The following ESR2 variants were observed in gnomAD, a reference collection of about 807,000 sequenced individuals.
ESR2 encodes estrogen receptor 2.
Under a neutral mutation model 49.6 loss-of-function variants are expected in ESR2, and 36 were observed. The ratio of observed to expected loss-of-function variants is 0.73; its 90% CI spans 0.56 to 0.96. The LOEUF is 0.96. Ranked by LOEUF, ESR2 falls within the 40% of genes least tolerant of loss-of-function variation. The pLI, the probability that ESR2 is intolerant of heterozygous loss-of-function variation, is 0.00. For synonymous variants in ESR2, 320 were observed against 266.1 expected (o/e 1.20, Z -1.97); for missense variants, 714 against 693.0 (o/e 1.03, Z -0.34).
chr14:64,289,653 T>TA (rs1452293255), intron 1 of ESR2, among the ~76,000 whole-genome samples: 1 of 152,174 alleles, frequency 6.6e-6, no homozygotes, highest in Non-Finnish European at 1.5e-5. Flanking sequence ...CCAGACAAGT[T>TA]ACAATGTCTT....
In ESR2 at chr14:64,229,541, T is replaced by A. The variant is rs2098725293; in HGVS notation, c.*3596A>T. ...AAGGGGGTATCACAAGGGGGCCCCA[T>A]TTAAATCACAGCAGCCGTGCATGTC... On this transcript the variant is annotated 3_prime_UTR_variant, in exon 9 of 9. Coordinates refer to ENST00000341099, the MANE Select transcript of ESR2 (RefSeq NM_001437.3). Among the ~76,000 whole-genome samples, 1 of 152,188 alleles carries A rather than the reference T, an allele frequency of 6.6e-6. No homozygotes were observed. Among genetic ancestry groups the A allele is most frequent in the Admixed American group, 6.5e-5 (1 of 15,272 alleles).
At chr14:64,336,969 A>T (rs1029101742) in intron 1 of ESR2, among the ~76,000 whole-genome samples, 6 of 152,168 alleles carry the variant, frequency 3.9e-5, no homozygotes, top group African/African-American at 1.4e-4. Flanking sequence ...AAATAGATGA[A>T]TCTCTAAAAC....
intron 6 of ESR2, among the ~76,000 whole-genome samples, chr14:64,254,478 G>A (rs189906030): frequency 4.6e-5 from 7 of 152,054 alleles, no homozygotes; most frequent in African/African-American, 1.7e-4. Flanking sequence ...TGGGCGTGGT[G>A]ACTCACGTCT....
At chr14:64,295,050 C>T (rs946664439), upstream of ESR2, among the ~76,000 whole-genome samples, 6 of 152,206 alleles carry the variant, frequency 3.9e-5, no homozygotes, top group Non-Finnish European at 7.4e-5. Flanking sequence ...AGCCCCAGTT[C>T]CCCCAGCTTA....
At position 64,246,734 on chromosome 14, in the gene ESR2, C is replaced by CAAAAAAAAAAAAAAAAA. The variant is rs71123836; in HGVS notation, c.1225+2795_1225+2811dup. Among the ~76,000 whole-genome samples, 20 of 36,450 alleles carry CAAAAAAAAAAAAAAAAA rather than the reference C, an allele frequency of 5.5e-4. 2 individuals carry two copies. Among genetic ancestry groups the CAAAAAAAAAAAAAAAAA allele is most frequent in the Admixed American group, 1.7e-3 (4 of 2,380 alleles). 23.9% of individuals were successfully genotyped at this position (36,450 alleles called of 152,430 possible). On this transcript the variant is annotated intron_variant, in intron 7 of 8. Transcript: ENST00000341099. ...CCTGGCCAACACAGGAAGACTCTGT[C>CAAAAAAAAAAAAAAAAA]AAAAAAAAAAAAAAAAAAAAAAAAA...
At position 64,249,548 on chromosome 14, in the gene ESR2, G is replaced by A. The variant is rs78255744; in HGVS notation, c.1223C>T (p.Ser408Phe). Reference protein sequence around the residue: ...LCVKAMILLNSSMYPLVTATQ... With the variant: ...LCVKAMILLNFSMYPLVTATQ... ...GGCCCAGCTGTGTGATTACTTACTG[G>A]AATTGAGCAGGATCATGGCCTTGAC... is the stretch of plus-strand genomic sequence containing the variant. The change falls in exon 7 of 9, where the codon TCC becomes TTC. Residue 408 changes from serine to phenylalanine, a missense_variant and splice_region_variant. Transcript: ENST00000341099. 25 of 1,613,286 alleles carry A rather than the reference G, an allele frequency of 1.5e-5. No homozygotes were observed. The highest frequency in any genetic ancestry group is 1.9e-5 in the Non-Finnish European group (22 of 1,179,824).
Position 64,233,280 on chromosome 14 carries a change from C to T in ESR2, c.1450G>A (p.Val484Met), listed in dbSNP as rs765668910. Reference protein sequence around the residue: ...EHLLNMKCKNVVPVYDLLLEM... With the variant: ...EHLLNMKCKNMVPVYDLLLEM... ...AGCAGCAGGTCATACACTGGGACCA[C>T]ATTTTTGCACTTCATGTTGAGCAGA... Residue 484 changes from valine to methionine, a missense_variant, in exon 9 of 9, where the codon GTG becomes ATG. By Grantham distance (21) the Val-to-Met change is conservative. Coordinates refer to ENST00000341099, the MANE Select transcript of ESR2 (RefSeq NM_001437.3). 1.9e-6 allele frequency: 3 copies of T among 1,614,142 alleles called. No homozygotes were observed. Among genetic ancestry groups the T allele is most frequent in the East Asian group, 2.2e-5 (1 of 44,888 alleles).
At position 64,246,734 on chromosome 14, in the gene ESR2, C is replaced by CAAAAAAAAAAA. The variant is rs71123836; in HGVS notation, c.1225+2801_1225+2811dup. On this transcript the variant is annotated intron_variant, in intron 7 of 8. Transcript: ENST00000341099. ...CCTGGCCAACACAGGAAGACTCTGT[C>CAAAAAAAAAAA]AAAAAAAAAAAAAAAAAAAAAAAAA... 7.1e-4 allele frequency among the ~76,000 whole-genome samples: 26 copies of CAAAAAAAAAAA among 36,450 alleles called. 3 individuals carry two copies. Among genetic ancestry groups the CAAAAAAAAAAA allele is most frequent in the East Asian group, 4.8e-3 (4 of 838 alleles). 23.9% of individuals were successfully genotyped at this position (36,450 alleles called of 152,430 possible).
chr14:64,233,226 C>T lies in ESR2; in HGVS notation c.1504G>A (p.Gly502Arg), dbSNP rs766524153. 25 of 1,614,164 alleles carry T rather than the reference C, an allele frequency of 1.5e-5. 1 individual carries two copies. The East Asian group carries it at 4.9e-4, about 32-fold the overall frequency. ...GACCCCGTGATGGAGGACTTGCACC[C>T]GCGAAGCACGTGGGCATTCAGCATC... is the stretch of plus-strand genomic sequence containing the variant. ...LEMLNAHVLR[G>R]CKSSITGSEC... The change falls in exon 9 of 9, where the codon GGG becomes AGG. Residue 502 changes from glycine (G) to arginine (R), a missense_variant. Transcript: ENST00000341099.
intron 1 of ESR2, among the ~76,000 whole-genome samples, chr14:64,287,525 C>T (rs1291751293): frequency 6.6e-6 from 1 of 152,192 alleles, no homozygotes; most frequent in Non-Finnish European, 1.5e-5. Context: ...TCAGATATAT[C>T]AGATTCACAT....
intron 3 of ESR2, among the ~76,000 whole-genome samples, chr14:64,271,483 A>G (rs775531600): frequency 2.0e-5 from 3 of 152,020 alleles, no homozygotes; most frequent in Admixed American, 6.6e-5. Flanking sequence ...ATGCCGCCAC[A>G]CCCAGCTAAT....
At chr14:64,260,148 GA>G in intron 5 of ESR2, 1 of 616,448 alleles carries the variant, frequency 1.6e-6, no homozygotes. Flanking sequence ...CTAGCCATGG[GA>G]AAAGAAGGCA....
downstream of ESR2, chr14:64,227,543 A>G: frequency 6.2e-7 from 1 of 1,614,186 alleles, no homozygotes. Flanking sequence ...TCACTGCTCC[A>G]TCGTTGCTTC....
At chr14:64,266,935 T>C (rs749067882) in intron 4 of ESR2, among the ~76,000 whole-genome samples, 25 of 152,132 alleles carry the variant, frequency 1.6e-4, no homozygotes, top group Non-Finnish European at 3.4e-4. Context: ...GGCTGGAGTG[T>C]AGTGGCGCGA....
At chr14:64,262,328 TG>T (rs2076240983) in intron 4 of ESR2, among the ~76,000 whole-genome samples, 1 of 152,056 alleles carries the variant, frequency 6.6e-6, no homozygotes, top group South Asian at 2.1e-4. Flanking sequence ...TTGCCCAGGC[TG>T]GTCTCGAATT....
At chr14:64,307,427 G>T (rs2077118899) in intron 1 of ESR2, among the ~76,000 whole-genome samples, 1 of 151,610 alleles carries the variant, frequency 6.6e-6, no homozygotes, top group African/African-American at 2.4e-5. Context: ...GTTGGTCAGG[G>T]TGGTCTCGAA....
At chr14:64,258,519 A>G (rs2076150616) in intron 5 of ESR2, among the ~76,000 whole-genome samples, 1 of 152,180 alleles carries the variant, frequency 6.6e-6, no homozygotes, top group African/African-American at 2.4e-5. Flanking sequence ...TTTTTCTTAT[A>G]GGAAAATGGG....
rs556658100 is a variant in ESR2 at position 64,332,677 on chromosome 14, G to T, written c.-91+5221C>A. On this transcript the variant is annotated intron_variant, in intron 1 of 8. Transcript: ENST00000358599. ...TAGCCAGGTGTGCTGGTGGGCACCT[G>T]TAGTCCCAGCTACTCGGGAGGCTAA... Among the ~76,000 whole-genome samples, 4 of 151,216 alleles carry T rather than the reference G, an allele frequency of 2.6e-5. No individual in the cohort carries two copies. In the South Asian group the frequency reaches 8.4e-4, roughly 32 times the overall value.
At chr14:64,250,453 G>C (rs1264256147) in intron 6 of ESR2, among the ~76,000 whole-genome samples, 2 of 152,092 alleles carry the variant, frequency 1.3e-5, no homozygotes, top group Non-Finnish European at 2.9e-5. Flanking sequence ...ACTTTATCTG[G>C]AAAATACCAG....
Sources: allele counts gnomAD v4.1 joint callset (sites outside exome capture counted in the v4.1 genomes callset), GRCh38; gene constraint gnomAD v4.1.1; transcripts MANE v1.5; gene names NCBI Gene and HGNC (gene_info 2026-07-23, HGNC 2026-07-21).